CLVS1: variants seen among roughly 807,000 people sequenced by gnomAD.
CLVS1 encodes the protein clavesin-1.
In CLVS1, 10 loss-of-function variants were observed where a neutral mutation model predicts 33.1. The ratio of observed to expected loss-of-function variants is 0.30; its 90% CI spans 0.19 to 0.51. The LOEUF is 0.51. Among genes scored for constraint, CLVS1 ranks in the 20% least tolerant of loss-of-function variants. The pLI, the probability that CLVS1 is intolerant of heterozygous loss-of-function variation, is 0.97. For missense variants in CLVS1, 343 were observed against 433.4 expected (o/e 0.79, Z 1.85); for synonymous variants, 163 against 166.1 (o/e 0.98, Z 0.14).
At chr8:61,429,247 C>G (rs1816018672) in intron 3 of CLVS1, among the ~76,000 whole-genome samples, 1 of 151,838 alleles carries the variant, frequency 6.6e-6, no homozygotes, top group Non-Finnish European at 1.5e-5. Flanking sequence ...TGGTGAAACC[C>G]TGTCTCTACT....
intron 1 of CLVS1, among the ~76,000 whole-genome samples, chr8:61,107,427 G>A (rs1420710487): frequency 1.3e-5 from 2 of 152,222 alleles, no homozygotes; most frequent in Admixed American, 6.5e-5. Flanking sequence ...ATGAGGTCCT[G>A]TTCCTTATAG....
intron 2 of CLVS1, among the ~76,000 whole-genome samples, chr8:61,164,732 G>A (rs1300273989): frequency 1.3e-5 from 2 of 152,068 alleles, no homozygotes; most frequent in Non-Finnish European, 2.9e-5. Context: ...TCTCTTTGTT[G>A]GAATCCCCCC....
At chr8:61,235,851 T>C (rs934363054) in intron 2 of CLVS1, among the ~76,000 whole-genome samples, 4 of 152,170 alleles carry the variant, frequency 2.6e-5, no homozygotes, top group Non-Finnish European at 5.9e-5. Flanking sequence ...CCAAGATCAT[T>C]TGAGACTTTA....
the CLVS1 span, among the ~76,000 whole-genome samples, chr8:60,989,211 G>A: frequency 1.3e-5 from 2 of 150,232 alleles, no homozygotes; most frequent in Non-Finnish European, 3.0e-5. Flanking sequence ...ATGGAATTTT[G>A]CTCTTGTTGC....
At chr8:61,216,218 C>T (rs1808082650) in intron 2 of CLVS1, among the ~76,000 whole-genome samples, 1 of 152,172 alleles carries the variant, frequency 6.6e-6, no homozygotes, top group Non-Finnish European at 1.5e-5. Flanking sequence ...AGGCTCCTTA[C>T]TGTTGAAATC....
chr8:61,236,953 A>G (rs1284893477), intron 2 of CLVS1, among the ~76,000 whole-genome samples: 2 of 152,226 alleles, frequency 1.3e-5, no homozygotes, highest in African/African-American at 2.4e-5. Flanking sequence ...AGTGCAATTC[A>G]TTAAGGAACA....
At chr8:61,023,393 T>C in the CLVS1 span, among the ~76,000 whole-genome samples, 1 of 152,240 alleles carries the variant, frequency 6.6e-6, no homozygotes, top group Non-Finnish European at 1.5e-5. Context: ...CTGGCGACCA[T>C]GCAGCGGCGT....
At chr8:61,047,360 A>T in the CLVS1 span, among the ~76,000 whole-genome samples, 46 of 152,344 alleles carry the variant, frequency 3.0e-4, no homozygotes, top group East Asian at 8.3e-3. Flanking sequence ...CTGTTTGTGG[A>T]ACTGTAAACT....
chr8:61,132,307 G>T (rs575380921), intron 2 of CLVS1, among the ~76,000 whole-genome samples: 1 of 152,362 alleles, frequency 6.6e-6, no homozygotes, highest in African/African-American at 2.4e-5. Flanking sequence ...CGATGCTGGG[G>T]TTGCGGCAGG....
intron 1 of CLVS1, among the ~76,000 whole-genome samples, chr8:61,094,295 A>AGG (rs1805308306): frequency 6.6e-6 from 1 of 152,070 alleles, no homozygotes; most frequent in African/African-American, 2.4e-5. Context: ...TATGGTTCTA[A>AGG]TGCAAGGACT....
Position 61,261,975 on chromosome 8 carries a change from CGTGTGTGTGT to C in CLVS1, c.-151-37661_-151-37652del, listed in dbSNP as rs57278209. On this transcript the variant is annotated intron_variant, in intron 2 of 2. Transcript: ENST00000522621. The stretch of plus-strand genomic sequence containing the variant: ...CATTTGGCAGCAATTCTCATTGCTG[CGTGTGTGTGT>C]GTGTGTGTGTGTGTGTGTGTGTGTG... Among the ~76,000 whole-genome samples, 349 of 111,044 alleles carry C rather than the reference CGTGTGTGTGT, an allele frequency of 3.1e-3. 2 individuals carry two copies. The highest frequency in any genetic ancestry group is 8.6e-3 in the African/African-American group (256 of 29,896). 72.8% of individuals were successfully genotyped at this position (111,044 alleles called of 152,430 possible).
At chr8:61,106,123 C>T (rs1223058185) in intron 1 of CLVS1, among the ~76,000 whole-genome samples, 3 of 152,212 alleles carry the variant, frequency 2.0e-5, no homozygotes, top group Non-Finnish European at 4.4e-5. Context: ...CGACTTCCTC[C>T]CTTTGCTCCT....
intron 5 of CLVS1, among the ~76,000 whole-genome samples, chr8:61,464,147 C>T (rs563850025): frequency 6.6e-6 from 1 of 150,832 alleles, no homozygotes; most frequent in Non-Finnish European, 1.5e-5. Context: ...AATACAGAGA[C>T]ACAAAGTGAG....
At chr8:61,259,894 G>A (rs559327608) in intron 2 of CLVS1, among the ~76,000 whole-genome samples, 4 of 152,300 alleles carry the variant, frequency 2.6e-5, no homozygotes, top group Non-Finnish European at 4.4e-5. Flanking sequence ...CCCTGCTGCC[G>A]CACCAGGCTT....
chr8:61,046,996 A>G, the CLVS1 span, among the ~76,000 whole-genome samples: 6 of 152,032 alleles, frequency 3.9e-5, no homozygotes, highest in African/African-American at 1.4e-4. Flanking sequence ...TCTCCTGCCT[A>G]ATTGCCCTGG....
At chr8:61,393,912 C>A (rs1814408095) in intron 3 of CLVS1, among the ~76,000 whole-genome samples, 1 of 152,204 alleles carries the variant, frequency 6.6e-6, no homozygotes, top group Non-Finnish European at 1.5e-5. Context: ...TTGTCACCTG[C>A]TCAGAACCTC....
At chr8:61,364,116 CA>C (rs1813095687) in intron 2 of CLVS1, among the ~76,000 whole-genome samples, 1 of 152,320 alleles carries the variant, frequency 6.6e-6, no homozygotes, top group East Asian at 1.9e-4. Context: ...CTTTTCTCCT[CA>C]GGGGAATATA....
chr8:61,267,729 A>G (rs1809340683), intron 2 of CLVS1, among the ~76,000 whole-genome samples: 1 of 152,228 alleles, frequency 6.6e-6, no homozygotes, highest in African/African-American at 2.4e-5. Flanking sequence ...TGAGGTACAT[A>G]GCTAATTTGG....
intron 5 of CLVS1, among the ~76,000 whole-genome samples, chr8:61,489,144 T>C (rs1447487348): frequency 2.6e-5 from 4 of 152,244 alleles, no homozygotes; most frequent in Non-Finnish European, 5.9e-5. Flanking sequence ...TAATGATCTA[T>C]TTTTTATTTC....
Sources: allele counts gnomAD v4.1 joint callset (sites outside exome capture counted in the v4.1 genomes callset), GRCh38; gene constraint gnomAD v4.1.1; transcripts MANE v1.5; gene names NCBI Gene and HGNC (gene_info 2026-07-23, HGNC 2026-07-21).